The following WDR59 variants were observed in gnomAD, a reference collection of about 807,000 sequenced individuals.
WDR59 encodes WD repeat domain 59.
In WDR59, 100 loss-of-function variants were observed where a neutral mutation model predicts 131.2. The observed-to-expected ratio is 0.76, with a 90% CI of 0.65 to 0.90. WDR59 has a LOEUF of 0.90. WDR59 is among the 40% of genes least tolerant of loss of function. WDR59 has a pLI of 0.00. For synonymous variants in WDR59, 601 were observed against 466.2 expected (o/e 1.29, Z -3.72); for missense variants, 1,203 against 1,262.2 (o/e 0.95, Z 0.71).
At chr16:74,924,479 G>A (rs955430106) in intron 8 of WDR59, among the ~76,000 whole-genome samples, 1 of 152,020 alleles carries the variant, frequency 6.6e-6, no homozygotes, top group Non-Finnish European at 1.5e-5. Flanking sequence ...ATAAAGAAAC[G>A]ACATAATGTG....
intron 8 of WDR59, among the ~76,000 whole-genome samples, chr16:74,936,634 T>C (rs2031822919): frequency 6.6e-6 from 1 of 152,100 alleles, no homozygotes; most frequent in Admixed American, 6.6e-5. Flanking sequence ...GAGACCATCC[T>C]GGCCAACATG....
At chr16:74,908,688 C>G (rs1965935521) in intron 17 of WDR59, 3 of 411,480 alleles carry the variant, frequency 7.3e-6, no homozygotes, top group Non-Finnish European at 4.3e-6. Flanking sequence ...TAGCTTTTAT[C>G]AAGCTACCTC....
chr16:74,980,999 G>A (rs2034381447), intron 1 of WDR59, among the ~76,000 whole-genome samples: 1 of 149,252 alleles, frequency 6.7e-6, no homozygotes, highest in Non-Finnish European at 1.5e-5. Flanking sequence ...AGGCCAAGGT[G>A]GGAGGATCAC....
intron 18 of WDR59, among the ~76,000 whole-genome samples, chr16:74,896,910 T>C (rs1965321959): frequency 6.6e-6 from 1 of 152,304 alleles, no homozygotes; most frequent in African/African-American, 2.4e-5. Context: ...GATGAGGACA[T>C]GAGGCTTACT....
chr16:74,917,932 C>G lies in WDR59; in HGVS notation c.963G>C (p.Gln321His), dbSNP rs778741760. ...LRMWRVDSQM[Q>H]RLCANDILDG... Reference sequence around the variant, plus strand: ...CACAATAGCACTGCATACATACCCTCTGCATCTGGGAATCCACCCGCCACA... The same window carrying G: ...CACAATAGCACTGCATACATACCCTGTGCATCTGGGAATCCACCCGCCACA... Residue 321 changes from glutamine (Q) to histidine (H), a missense_variant, in exon 11 of 26, where the codon CAG (glutamine) becomes CAC (histidine). By Grantham distance (24) the Gln-to-His change is conservative. Transcript: ENST00000262144. 1.8e-5 allele frequency: 29 copies of G among 1,613,210 alleles called. No individual in the cohort carries two copies. Among genetic ancestry groups the G allele is most frequent in the Non-Finnish European group, 2.4e-5 (28 of 1,179,468 alleles).
chr16:74,954,602 G>T (rs2033189011), intron 3 of WDR59, among the ~76,000 whole-genome samples: 1 of 152,112 alleles, frequency 6.6e-6, no homozygotes, highest in Non-Finnish European at 1.5e-5. Context: ...CCCTCCAAAA[G>T]TTAAACACAG....
chr16:74,931,194 T>C (rs2031355477), intron 8 of WDR59, among the ~76,000 whole-genome samples: 1 of 152,096 alleles, frequency 6.6e-6, no homozygotes, highest in Admixed American at 6.5e-5. Flanking sequence ...AATTTAAACT[T>C]CCTAAATTAT....
At chr16:74,974,380 A>G (rs983776180) in intron 1 of WDR59, among the ~76,000 whole-genome samples, 1 of 152,148 alleles carries the variant, frequency 6.6e-6, no homozygotes, top group Non-Finnish European at 1.5e-5. Context: ...CAGTTTTCTA[A>G]TTTAATAATA....
At chr16:74,918,228 G>A (rs1375507593) in intron 10 of WDR59, among the ~76,000 whole-genome samples, 1 of 152,116 alleles carries the variant, frequency 6.6e-6, no homozygotes, top group African/African-American at 2.4e-5. Flanking sequence ...ACAAATATCT[G>A]ATAAAACATC....
rs116650136 is a variant in WDR59, at chr16:74,874,596, T to C, written c.2690-152A>G. On this transcript the variant is annotated intron_variant, in intron 25 of 25. Transcript: ENST00000262144. ...GGTTTTCATTTTCTGTTTTTTTTAT[T>C]TTTATTTTTTCTTTTTGAGACAGAG... 6.4e-3 allele frequency: 4,461 copies of C among 696,018 alleles called. 108 individuals carry two copies. Among genetic ancestry groups the C allele is most frequent in the African/African-American group, 0.057 (3,186 of 55,566 alleles). 43.1% of individuals were successfully genotyped at this position (696,018 alleles called of 1,614,324 possible).
At chr16:74,981,613 CATATATATATATAT>C (rs1162042042) in intron 1 of WDR59, among the ~76,000 whole-genome samples, 6 of 27,780 alleles carry the variant, frequency 2.2e-4, no homozygotes, top group African/African-American at 8.4e-4. Flanking sequence ...TATACATTTA[CATATATATATATAT>C]ATATATATAT....
At chr16:74,933,979 T>C (rs1363384939) in intron 8 of WDR59, among the ~76,000 whole-genome samples, 1 of 152,248 alleles carries the variant, frequency 6.6e-6, no homozygotes, top group African/African-American at 2.4e-5. Flanking sequence ...CTTTTCAGCT[T>C]AAACTACTTT....
intron 2 of WDR59, among the ~76,000 whole-genome samples, chr16:74,957,288 C>T (rs1258823637): frequency 6.6e-6 from 1 of 151,942 alleles, no homozygotes; most frequent in Non-Finnish European, 1.5e-5. Context: ...ACCATGTTGG[C>T]CAGGCTGATC....
At chr16:74,881,897 GA>G (rs941081537) in intron 25 of WDR59, among the ~76,000 whole-genome samples, 23 of 141,654 alleles carry the variant, frequency 1.6e-4, no homozygotes, top group East Asian at 8.2e-4. Context: ...AGAAAAAAAA[GA>G]AAAAAAAAAG....
At chr16:74,874,892 G>GTTTTTT (rs917317436) in intron 25 of WDR59, among the ~76,000 whole-genome samples, 7 of 151,348 alleles carry the variant, frequency 4.6e-5, no homozygotes, top group Admixed American at 1.3e-4. Flanking sequence ...TGCCCAGCCT[G>GTTTTTT]TTTTTTTTTG....
At chr16:74,972,630 T>C (rs537211798) in intron 1 of WDR59, among the ~76,000 whole-genome samples, 2 of 150,538 alleles carry the variant, frequency 1.3e-5, no homozygotes, top group South Asian at 2.1e-4. Context: ...GGTTAGGAGT[T>C]TGAGACCAGC....
At chr16:74,922,737 C>T (rs1046850729) in intron 9 of WDR59, among the ~76,000 whole-genome samples, 10 of 151,704 alleles carry the variant, frequency 6.6e-5, no homozygotes, top group African/African-American at 2.4e-4. Context: ...TTATCTTCAC[C>T]GCCCCTCCTG....
chr16:74,886,494 C>A, intron 23 of WDR59, 98 bp from the exon 24 acceptor site: 1 of 1,464,808 alleles, frequency 6.8e-7, no homozygotes, highest in South Asian at 1.3e-5. Context: ...ATGGATTTCC[C>A]AGAAGAAATG....
Position 74,873,855 on chromosome 16 carries a change from G to T in WDR59, c.*354C>A. On this transcript the variant is annotated 3_prime_UTR_variant, in exon 26 of 26. Transcript: ENST00000262144. Reference sequence around the variant, plus strand: ...TCTGCACTGGCATCAAGAGAACGCTGCTCGGTGGTTTAAGGCTAACACCTT... The same window carrying T: ...TCTGCACTGGCATCAAGAGAACGCTTCTCGGTGGTTTAAGGCTAACACCTT... 1 of 223,996 alleles carries T rather than the reference G, an allele frequency of 4.5e-6. No homozygotes were observed. The highest frequency in any genetic ancestry group is 8.8e-6 in the Non-Finnish European group (1 of 113,050). 13.9% of individuals were successfully genotyped at this position (223,996 alleles called of 1,614,324 possible).
Sources: gnomAD v4.1 joint callset for allele counts (sites outside exome capture counted in the v4.1 genomes callset) on GRCh38, gnomAD v4.1.1 for gene constraint, MANE v1.5 for transcripts, NCBI Gene and HGNC (gene_info 2026-07-23, HGNC 2026-07-21) for gene names.